Variants in DZIP1L observed in about 807,000 individuals in gnomAD.
DZIP1L encodes the protein cilium assembly protein DZIP1L.
A neutral mutation model predicts 88.7 loss-of-function variants in DZIP1L; 90 were observed. The ratio of observed to expected loss-of-function variants is 1.02; its 90% confidence interval spans 0.86 to 1.21. The LOEUF (loss-of-function observed/expected upper bound fraction) is 1.21. Ranked by LOEUF, DZIP1L falls within the 50% of genes most tolerant of loss-of-function variation. The probability of loss-of-function intolerance (pLI) is 0.00; values close to 1 mark genes in which losing one functional copy is unlikely to be tolerated. For synonymous variants in DZIP1L, 363 were observed against 372.1 expected, an observed-to-expected ratio of 0.98 and a Z score of 0.28; for missense variants, 932 against 955.8, an observed-to-expected ratio of 0.98 and a Z score of 0.33.
chr3:138,064,937 G>A (rs944991109), intron 14 of DZIP1L, among the ~76,000 whole-genome samples, 170 bp from the exon 15 acceptor site: 1 of 152,180 alleles, frequency 6.6e-6, no homozygotes, highest in African/African-American at 2.4e-5. Flanking sequence ...CAGGCCAACA[G>A]GTACCCAGTG....
At chr3:138,079,518 A>G (rs1222135717) in intron 10 of DZIP1L, among the ~76,000 whole-genome samples, 1 of 152,272 alleles carries the variant, frequency 6.6e-6, no homozygotes, top group African/African-American at 2.4e-5. Context: ...AACTAACTGC[A>G]GAACAATGTG....
In DZIP1L at chr3:138,101,818, C is replaced by A. The variant is rs1184243746; in HGVS notation, c.501+1653G>T. 3.6e-5 allele frequency: 44 copies of A among 1,209,784 alleles called. No individual in the cohort carries two copies. The Middle Eastern group carries it at 2.5e-3, about 67-fold the overall frequency. 74.9% of individuals were successfully genotyped at this position (1,209,784 alleles called of 1,614,324 possible). On this transcript the variant is annotated intron_variant, in intron 2 of 15. Transcript: ENST00000327532. ...GACATTCATCAGCTCCTGATACTCA[C>A]GCAGCTGCCGCTCCATGTCCTGCTT...
intron 10 of DZIP1L, among the ~76,000 whole-genome samples, chr3:138,078,524 A>G (rs909733370): frequency 4.6e-5 from 7 of 152,224 alleles, no homozygotes; most frequent in Non-Finnish European, 4.4e-5. Context: ...AATTCTCTAG[A>G]TATTCTAATA....
chr3:138,115,062 G>C (rs1001595757), intron 1 of DZIP1L, among the ~76,000 whole-genome samples: 2 of 152,130 alleles, frequency 1.3e-5, no homozygotes. Flanking sequence ...CCCCGCGCAC[G>C]GGTCCTTCCC....
intron 11 of DZIP1L, among the ~76,000 whole-genome samples, chr3:138,074,732 GA>G (rs36115917): frequency 0.58 from 82,055 of 140,556 alleles, 25,543 homozygotes; most frequent in Non-Finnish European, 0.7. Context: ...AATAATACAC[GA>G]AAAAAAAAAA....
At position 138,081,780 on chromosome 3, in the gene DZIP1L, A is replaced by C. The variant is rs1324206294; in HGVS notation, c.1204-16T>G. 1 of 1,613,098 alleles carries C rather than the reference A, an allele frequency of 6.2e-7. No homozygotes were observed. The highest frequency in any genetic ancestry group is 1.7e-5 in the Admixed American group (1 of 59,930). On this transcript the variant is annotated splice_polypyrimidine_tract_variant and intron_variant, in intron 8 of 15. Coordinates refer to ENST00000327532, the MANE Select transcript of DZIP1L (RefSeq NM_173543.3). ...AGGACTGGATCTGCAAAGAGGTGGA[A>C]TAGAGCGGGTTACAACCAGCAGAGA...
At chr3:138,065,208 A>G (rs1942842117) in intron 14 of DZIP1L, among the ~76,000 whole-genome samples, 1 of 152,228 alleles carries the variant, frequency 6.6e-6, no homozygotes, top group Non-Finnish European at 1.5e-5. Context: ...AGGAAGCAGG[A>G]GCTAAGCAGT....
intron 14 of DZIP1L, among the ~76,000 whole-genome samples, chr3:138,065,505 A>C (rs1045123007): frequency 1.3e-5 from 2 of 152,248 alleles, no homozygotes; most frequent in Non-Finnish European, 2.9e-5. Context: ...CTGCACAAGG[A>C]CAAGCAGGTA....
At chr3:138,115,297 C>T (rs1294262333) in intron 1 of DZIP1L, 31 bp downstream of exon 1, 2 of 152,090 alleles carry the variant, frequency 1.3e-5, no homozygotes, top group African/African-American at 4.8e-5. Context: ...GGACGAATTC[C>T]TGGCATAGTT....
At chr3:138,112,171 G>A (rs888201240) in intron 1 of DZIP1L, among the ~76,000 whole-genome samples, 7 of 152,138 alleles carry the variant, frequency 4.6e-5, no homozygotes, top group East Asian at 3.9e-4. Flanking sequence ...GCTATGGTTC[G>A]TCTCATCTCA....
chr3:138,078,823 T>C (rs1576453277), intron 10 of DZIP1L, among the ~76,000 whole-genome samples: 2 of 152,358 alleles, frequency 1.3e-5, no homozygotes, highest in Admixed American at 1.3e-4. Flanking sequence ...TAAATGCTAC[T>C]GGTGCCTGGA....
At chr3:138,069,065 G>A (rs1292818319) in intron 12 of DZIP1L, 2 of 1,162,268 alleles carry the variant, frequency 1.7e-6, no homozygotes, top group East Asian at 2.9e-5. Context: ...AACAACGTGG[G>A]GTTGAACAGC....
Position 138,062,797 on chromosome 3 carries a change from A to C in DZIP1L, c.*19T>G. 1 of 1,613,234 alleles carries C rather than the reference A, an allele frequency of 6.2e-7. No individual in the cohort carries two copies. Among genetic ancestry groups the C allele is most frequent in the Non-Finnish European group, 8.5e-7 (1 of 1,179,860 alleles). ...CCCCAGCCAGGCTAACCCTCTAGCC[A>C]GCTAGCTTCTGGGGTGAATCACCAG... On this transcript the variant is annotated 3_prime_UTR_variant, in exon 16 of 16. Transcript: ENST00000327532.
intron 2 of DZIP1L, chr3:138,101,842 T>G (rs777046821): frequency 8.4e-6 from 11 of 1,307,990 alleles, no homozygotes; most frequent in Non-Finnish European, 1.2e-5. Context: ...CATGTCCTGC[T>G]TGGCCCGCTG....
At chr3:138,081,624 G>T in intron 9 of DZIP1L, 110 bp downstream of exon 9, 2 of 1,127,558 alleles carry the variant, frequency 1.8e-6, no homozygotes, top group Non-Finnish European at 2.5e-6. Flanking sequence ...TCCACAGGCT[G>T]CTGTCACCAA....
At chr3:138,110,646 A>G (rs1438418053) in intron 1 of DZIP1L, among the ~76,000 whole-genome samples, 4 of 152,156 alleles carry the variant, frequency 2.6e-5, no homozygotes, top group Non-Finnish European at 4.4e-5. Context: ...CTGAGGCCCT[A>G]CTAAGTGCCA....
At chr3:138,099,784 C>T (rs998227114) in intron 2 of DZIP1L, among the ~76,000 whole-genome samples, 7 of 152,196 alleles carry the variant, frequency 4.6e-5, no homozygotes, top group Non-Finnish European at 1.0e-4. Flanking sequence ...GGCCAGCTCC[C>T]CTTCACCTTC....
At chr3:138,081,787 G>T in intron 8 of DZIP1L, 23 bp from the exon 9 acceptor site, 1 of 1,612,206 alleles carries the variant, frequency 6.2e-7, no homozygotes, top group Non-Finnish European at 8.5e-7. Context: ...GGAATAGAGC[G>T]GGTTACAACC....
rs6764031 is a variant in DZIP1L, at chr3:138,080,123, T to C, written c.1288+444A>G. Among the ~76,000 whole-genome samples the C allele has an allele frequency of 8.2e-3, 1,251 of 152,286 alleles. 19 individuals carry two copies. The highest frequency in any genetic ancestry group is 0.029 in the African/African-American group (1,212 of 41,534). On this transcript the variant is annotated intron_variant, in intron 10 of 15. Coordinates refer to ENST00000327532, the MANE Select transcript of DZIP1L (RefSeq NM_173543.3). ...TGACAAGGGAGCCGAGGTGGATTCC[T>C]ATGCATTAGTCAGGCCCTGTGGGAC...
Sources: gnomAD v4.1 joint callset for allele counts (sites outside exome capture counted in the v4.1 genomes callset) on GRCh38, gnomAD v4.1.1 for gene constraint, MANE v1.5 for transcripts, NCBI Gene and HGNC (gene_info 2026-07-23, HGNC 2026-07-21) for gene names.